Variants in ETV4 observed in about 807,000 individuals in gnomAD.
The protein encoded by ETV4 is ETS translocation variant 4.
A neutral mutation model predicts 65.9 loss-of-function variants in ETV4; 42 were observed. The ratio of observed to expected loss-of-function variants is 0.64; its 90% CI spans 0.50 to 0.82. ETV4 has a LOEUF of 0.82. Ranked by LOEUF, ETV4 falls within the 40% of genes least tolerant of loss-of-function variation. The pLI is 0.00. For missense variants in ETV4, 583 were observed against 630.3 expected (o/e 0.92, Z 0.80); for synonymous variants, 238 against 260.0 (o/e 0.92, Z 0.81).
At position 43,533,207 on chromosome 17, in the gene ETV4, A is replaced by G. The variant is rs367792700; in HGVS notation, c.525T>C (p.His175=). ...SSGTSQPHPG[H]GYLGEHSSVF... is the part of the protein sequence containing the mutation. ...CTTACCTATGTTCCCCGAGGTACCC[A>G]TGGCCAGGGTGGGGCTGGGAGGTGC... is the stretch of plus-strand genomic sequence containing the variant. The change falls in exon 7 of 13, where the codon CAT becomes CAC. Residue 175 remains histidine, a synonymous_variant. Transcript: ENST00000319349. The G allele has an allele frequency of 1.7e-4, 270 of 1,612,952 alleles. No homozygotes were observed. The highest frequency in any genetic ancestry group is 2.2e-4 in the Non-Finnish European group (254 of 1,179,710).
chr17:43,530,133 C>A lies in ETV4; in HGVS notation c.860G>T (p.Gly287Val). 6.4e-7 allele frequency: 1 copy of A among 1,570,380 alleles called. No homozygotes were observed. The highest frequency in any genetic ancestry group is 8.6e-7 in the Non-Finnish European group (1 of 1,157,530). The change falls in exon 9 of 13, where the codon GGG (glycine) becomes GTG (valine). Residue 287 changes from glycine to valine, a missense_variant. By Grantham distance (109) the Gly-to-Val change is moderately radical. Coordinates refer to ENST00000319349, the MANE Select transcript of ETV4 (RefSeq NM_001079675.5). Reference sequence around the variant, plus strand: ...CATGGCCCCGTCACCTGGAGAGGGCCCAGAGAAGCCCTCTGTGTGGAGGTA... The same window carrying A: ...CATGGCCCCGTCACCTGGAGAGGGCACAGAGAAGCCCTCTGTGTGGAGGTA... The part of the protein sequence containing the change: ...SMYLHTEGFS[G>V]PSPGDGAMGY...
intron 1 of ETV4, 160 bp downstream of exon 1, chr17:43,546,025 T>G: frequency 8.8e-6 from 2 of 228,078 alleles, no homozygotes; most frequent in African/African-American, 2.4e-5. Context: ...CACCATCGCA[T>G]GCCCACAACT....
intron 4 of ETV4, among the ~76,000 whole-genome samples, chr17:43,542,706 C>G (rs926307542): frequency 6.6e-6 from 1 of 152,202 alleles, no homozygotes; most frequent in African/African-American, 2.4e-5. Context: ...GACACTGAAC[C>G]TGCAACCACA....
At chr17:43,529,813 C>T (rs556473066) in intron 10 of ETV4, 71 bp downstream of exon 10, 9 of 1,600,946 alleles carry the variant, frequency 5.6e-6, no homozygotes, top group African/African-American at 1.3e-5. Flanking sequence ...AACAATGAAA[C>T]GTGATGTGAC....
Position 43,530,609 on chromosome 17 carries a change from CGT to C in ETV4, c.812-430_812-429del, listed in dbSNP as rs58803566. On this transcript the variant is annotated intron_variant, in intron 8 of 12. Coordinates refer to ENST00000319349, the MANE Select transcript of ETV4 (RefSeq NM_001079675.5). ...AGGTTCCCAGCCCTGTGCACGCGCG[CGT>C]GTGTGTGTGTGTGTGTGTGTGTGTG... 2.3e-3 allele frequency among the ~76,000 whole-genome samples: 279 copies of C among 119,054 alleles called. 1 individual carries two copies. The highest frequency in any genetic ancestry group is 2.2e-3 in the Non-Finnish European group (126 of 56,346). 78.1% of individuals were successfully genotyped at this position (119,054 alleles called of 152,430 possible). A position where few individuals can be genotyped will look rare whatever the true frequency, so the allele number is the denominator to read the frequency against.
At chr17:43,529,407 G>A (rs1970765992) in intron 11 of ETV4, 97 bp downstream of exon 11, 2 of 1,472,538 alleles carry the variant, frequency 1.4e-6, no homozygotes, top group African/African-American at 2.8e-5. Context: ...GGTAAAGCAA[G>A]AATCATGATG....
chr17:43,534,350 C>T (rs182131293), intron 5 of ETV4, among the ~76,000 whole-genome samples: 17 of 151,774 alleles, frequency 1.1e-4, no homozygotes, highest in Admixed American at 7.2e-4. Context: ...AAAAATTAGC[C>T]GGGGATGGTG....
chr17:43,534,959 G>T (rs1392007681), intron 5 of ETV4, among the ~76,000 whole-genome samples: 1 of 152,130 alleles, frequency 6.6e-6, no homozygotes, highest in Non-Finnish European at 1.5e-5. Flanking sequence ...ATAAATAAAA[G>T]AATCTTTCTT....
chr17:43,538,667 C>T (rs1971364055), intron 4 of ETV4, among the ~76,000 whole-genome samples: 1 of 152,168 alleles, frequency 6.6e-6, no homozygotes. Context: ...AGAGTCTTGG[C>T]CCACTTTTGC....
chr17:43,529,377 C>T, intron 11 of ETV4, 127 bp downstream of exon 11: 2 of 1,420,770 alleles, frequency 1.4e-6, no homozygotes, highest in South Asian at 2.5e-5. Context: ...CAGACTTAGG[C>T]TTGGCAAGAA....
At chr17:43,532,393 G>A (rs1225444223) in intron 8 of ETV4, among the ~76,000 whole-genome samples, 1 of 152,094 alleles carries the variant, frequency 6.6e-6, no homozygotes, top group Non-Finnish European at 1.5e-5. Flanking sequence ...CAGGTACTCG[G>A]GAGGCTGAGG....
Position 43,533,036 on chromosome 17 carries a change from G to C in ETV4, c.546-97C>G. The C allele has an allele frequency of 8.0e-6, 12 of 1,494,520 alleles. No homozygotes were observed. In the South Asian group the frequency reaches 1.3e-4, roughly 17 times the overall value. 92.6% of individuals were successfully genotyped at this position (1,494,520 alleles called of 1,614,324 possible). On this transcript the variant is annotated intron_variant, in intron 7 of 12. Transcript: ENST00000319349. ...AGGCTTTTAGAGTGGGCTCCGGAAT[G>C]GGGGGTAGGGGGTTGGGGTGTCAGT...
chr17:43,543,901 A>AT (rs1971657912), intron 4 of ETV4: 1 of 152,190 alleles, frequency 6.6e-6, no homozygotes, highest in South Asian at 2.1e-4. Flanking sequence ...CCAAGGATCT[A>AT]GTCAGGGGTC....
At chr17:43,542,134 G>A (rs1971556223) in intron 4 of ETV4, among the ~76,000 whole-genome samples, 1 of 152,142 alleles carries the variant, frequency 6.6e-6, no homozygotes, top group East Asian at 1.9e-4. Context: ...GGAGGGTTGG[G>A]GAGCAGTGAT....
chr17:43,530,633 T>TGA (rs1970874780), intron 8 of ETV4, among the ~76,000 whole-genome samples: 1 of 146,452 alleles, frequency 6.8e-6, no homozygotes, highest in Non-Finnish European at 1.5e-5. Flanking sequence ...TGTGTGTGTG[T>TGA]GTGACAGAAA....
At position 43,529,390 on chromosome 17, in the gene ETV4, C is replaced by G. The variant is rs918733258; in HGVS notation, c.1128+114G>C. On this transcript the variant is annotated intron_variant, in intron 11 of 12. Coordinates refer to ENST00000319349, the MANE Select transcript of ETV4 (RefSeq NM_001079675.5). ...CACAGACTTAGGCTTGGCAAGAATT[C>G]AGGTTAGGTAAAGCAAGAATCATGA... is the stretch of plus-strand genomic sequence containing the variant. 11 of 1,434,160 alleles carry G rather than the reference C, an allele frequency of 7.7e-6. No individual in the cohort carries two copies. In the Admixed American group the frequency reaches 1.8e-4, roughly 23 times the overall value. The allele number at this position is 1,434,160 out of a possible 1,614,324, so 88.8% of individuals were successfully genotyped here. A position where few individuals can be genotyped will look rare whatever the true frequency, so the allele number is the denominator to read the frequency against.
chr17:43,543,759 C>T (rs1971648129), intron 4 of ETV4: 1 of 152,252 alleles, frequency 6.6e-6, no homozygotes, highest in South Asian at 2.1e-4. Flanking sequence ...CCAGATCCCT[C>T]CAGCACTCAC....
rs1229711655 is a variant in ETV4, at chr17:43,529,256, G to A, written c.1129-20C>T. 1 of 1,612,286 alleles carries A rather than the reference G, an allele frequency of 6.2e-7. No homozygotes were observed. Among genetic ancestry groups the A allele is most frequent in the East Asian group, 2.2e-5 (1 of 44,878 alleles). On this transcript the variant is annotated intron_variant, in intron 11 of 12. Transcript: ENST00000319349. ...GGCGACCTGGGAACAAAACAGTTTT[G>A]GGGTAGAGATGCTACCTTGGCAGAG...
At chr17:43,545,806 C>G (rs1219359981) in intron 1 of ETV4, 138 bp from the exon 2 acceptor site, 2 of 608,850 alleles carry the variant, frequency 3.3e-6, no homozygotes, top group Admixed American at 5.9e-5. Context: ...TTTCCGCCTG[C>G]CAGGCCGAGC....
Sources: gnomAD v4.1 joint callset for allele counts (sites outside exome capture counted in the v4.1 genomes callset) on GRCh38, gnomAD v4.1.1 for gene constraint, MANE v1.5 for transcripts, NCBI Gene and HGNC (gene_info 2026-07-23, HGNC 2026-07-21) for gene names.